Variants in DGKZ observed in about 807,000 individuals in gnomAD.
DGKZ encodes the protein diacylglycerol kinase zeta, also known as DAG kinase zeta.
A neutral mutation model predicts 142.5 loss-of-function variants in DGKZ; 45 were observed. That is an observed-to-expected ratio of 0.32 (90% CI 0.25 to 0.40). The LOEUF (loss-of-function observed/expected upper bound fraction) is 0.40, where lower values mean the gene tolerates loss of function less well. DGKZ is among the 10% of genes least tolerant of loss of function. The pLI is 1.00. For synonymous variants in DGKZ, 442 were observed against 527.0 expected (o/e 0.84, Z 2.21); for missense variants, 755 against 1,306.5 (o/e 0.58, Z 6.51).
rs369868827 is a variant in DGKZ, at chr11:46,363,475, C to T, written c.162-3816C>T. ...ACTCTGCTGGGAGGGGCGGCATCAT[C>T]GGCCGCCGAGGAGACTCCTGGACAG... On this transcript the variant is annotated intron_variant, in intron 1 of 30. Transcript: ENST00000527911. Among the ~76,000 whole-genome samples, 29 of 152,352 alleles carry T rather than the reference C, an allele frequency of 1.9e-4. No homozygotes were observed. In the South Asian group the frequency reaches 2.1e-3, roughly 11 times the overall value.
intron 17 of DGKZ, 34 bp from the exon 18 acceptor site, chr11:46,374,732 C>CA (rs1944349605): frequency 6.2e-7 from 1 of 1,612,364 alleles, no homozygotes; most frequent in African/African-American, 1.3e-5. Context: ...CCACCTGGCA[C>CA]ATGCACCTCA....
At chr11:46,377,709 C>G (rs1432187967) in intron 25 of DGKZ, 2 of 222,282 alleles carry the variant, frequency 9.0e-6, no homozygotes, top group East Asian at 1.4e-4. Flanking sequence ...TCCCAGCCCC[C>G]TCCCTGAGTT....
intron 1 of DGKZ, among the ~76,000 whole-genome samples, chr11:46,336,854 C>G (rs963975727): frequency 2.0e-5 from 3 of 152,156 alleles, no homozygotes; most frequent in Non-Finnish European, 4.4e-5. Context: ...CTCCTGGCCT[C>G]TACAGATTTT....
At chr11:46,361,974 T>C (rs554375860) in intron 1 of DGKZ, 2 of 152,530 alleles carry the variant, frequency 1.3e-5, no homozygotes, top group Admixed American at 6.5e-5. Flanking sequence ...GTACATTTTG[T>C]TTGTTGTTTT....
At chr11:46,342,926 C>T (rs1347984748), upstream of DGKZ, among the ~76,000 whole-genome samples, 1 of 152,146 alleles carries the variant, frequency 6.6e-6, no homozygotes, top group Admixed American at 6.5e-5. Context: ...GAATTCAAGA[C>T]CAGCCTGGTC....
At chr11:46,373,165 C>T in intron 14 of DGKZ, 64 bp downstream of exon 14, 6 of 1,482,618 alleles carry the variant, frequency 4.0e-6, no homozygotes, top group South Asian at 2.7e-5. Flanking sequence ...CACTTTTCCA[C>T]TTGCTGGTTC....
At chr11:46,374,991 C>G (rs766595426) in exon 19 of DGKZ, 2 of 1,612,386 alleles carry the variant, frequency 1.2e-6, no homozygotes, top group Non-Finnish European at 1.7e-6. Context: ...ACTTTGAGCC[C>G]CAGCGGCATG....
exon 30 of DGKZ, chr11:46,379,519 G>T (rs1405231176): frequency 4.3e-6 from 7 of 1,611,788 alleles, no homozygotes; most frequent in Non-Finnish European, 5.9e-6. Flanking sequence ...CGCACCATCT[G>T]CCACTACATC....
intron 1 of DGKZ, among the ~76,000 whole-genome samples, chr11:46,339,525 C>T (rs183581258): frequency 3.9e-5 from 6 of 152,314 alleles, no homozygotes; most frequent in Admixed American, 2.0e-4. Flanking sequence ...GAGGGCAGTG[C>T]CACACTGTCC....
chr11:46,347,799 G>C lies in DGKZ; in HGVS notation c.140G>C (p.Gly47Ala), dbSNP rs1208241889. Reference sequence around the variant, plus strand: ...CGACTCAACAAGCGGCGCTTCCCGGGGCTGCGGCTCTTCGGGCACAGGTGA... The same window carrying C: ...CGACTCAACAAGCGGCGCTTCCCGGCGCTGCGGCTCTTCGGGCACAGGTGA... The change falls in exon 1 of 31, where the codon GGG (glycine) becomes GCG (alanine). Residue 47 changes from glycine to alanine, a missense_variant. By Grantham distance (60) the Gly-to-Ala change is moderately conservative. Transcript: ENST00000527911. This position sits in a 1 kb window ranked among gnomAD's most constrained non-coding sequence, Gnocchi z 6.4. The C allele has an allele frequency of 7.5e-7, 1 of 1,335,792 alleles. No individual in the cohort carries two copies. Among genetic ancestry groups the C allele is most frequent in the African/African-American group, 1.5e-5 (1 of 65,104 alleles). The allele number at this position is 1,335,792 out of a possible 1,614,324, so 82.7% of individuals were successfully genotyped here.
exon 5 of DGKZ, chr11:46,369,498 A>G: frequency 6.2e-7 from 1 of 1,613,954 alleles, no homozygotes; most frequent in Non-Finnish European, 8.5e-7. Context: ...TCACAGATAA[A>G]TTTCCGCTGT....
rs193000385 is a variant in DGKZ at position 46,372,545 on chromosome 11, G to C, written c.1010+35G>C. ...TGCCAAGGTTTTGTGGGGGACATGG[G>C]GGGGAACTTGCCTCACTCCTGGGGT... On this transcript the variant is annotated intron_variant, in intron 11 of 30. Transcript: ENST00000527911. The surrounding 1 kb of genome is among the most constrained non-coding windows in gnomAD (Gnocchi z 5.9). 9 of 1,613,754 alleles carry C rather than the reference G, an allele frequency of 5.6e-6. No homozygotes were observed. The highest frequency in any genetic ancestry group is 3.3e-5 in the Admixed American group (2 of 59,998).
At chr11:46,361,840 T>C in intron 1 of DGKZ, 1 of 231,110 alleles carries the variant, frequency 4.3e-6, no homozygotes, top group Non-Finnish European at 7.1e-6. Flanking sequence ...CCCTGCCAGG[T>C]TCCTGAAGCT....
chr11:46,378,948 G>A, intron 27 of DGKZ, 43 bp from the exon 28 acceptor site: 1 of 1,505,168 alleles, frequency 6.6e-7, no homozygotes, highest in South Asian at 1.3e-5. Flanking sequence ...GGAAGGAGGG[G>A]TGGCCCCAGG....
Position 46,347,596 on chromosome 11 carries a change from C to T in DGKZ, c.-64C>T, listed in dbSNP as rs1047059409. The T allele has an allele frequency of 3.4e-6, 4 of 1,165,640 alleles. No individual in the cohort carries two copies. The highest frequency in any genetic ancestry group is 3.2e-6 in the Non-Finnish European group (3 of 945,594). The allele number at this position is 1,165,640 out of a possible 1,614,324, so 72.2% of individuals were successfully genotyped here. A position where few individuals can be genotyped will look rare whatever the true frequency, so the allele number is the denominator to read the frequency against. ...GGCGGCGCGGAGCGGGCGTGCTGAGCCCCGGCCGCCGGCCCGGCATGGGCG... is the reference window on the plus strand; with the variant it reads ...GGCGGCGCGGAGCGGGCGTGCTGAGTCCCGGCCGCCGGCCCGGCATGGGCG... On this transcript the variant is annotated 5_prime_UTR_variant, in exon 1 of 31. Coordinates refer to ENST00000527911, the Ensembl canonical transcript of DGKZ. This position sits in a 1 kb window ranked among gnomAD's most constrained non-coding sequence, Gnocchi z 6.4.
chr11:46,365,511 G>A (rs1227354793), intron 1 of DGKZ: 1 of 985,250 alleles, frequency 1.0e-6, no homozygotes, highest in African/African-American at 1.7e-5. Flanking sequence ...AAGGGAGACT[G>A]AGCAGCCTCT....
intron 1 of DGKZ, among the ~76,000 whole-genome samples, chr11:46,348,731 C>A (rs972422092): frequency 3.9e-5 from 6 of 152,212 alleles, no homozygotes; most frequent in Non-Finnish European, 7.3e-5. Context: ...GAGCCGCTGC[C>A]TGCCCTGGTA....
upstream of DGKZ, among the ~76,000 whole-genome samples, chr11:46,346,682 G>C (rs1052017342): frequency 6.6e-6 from 1 of 152,200 alleles, no homozygotes; most frequent in Non-Finnish European, 1.5e-5. Context: ...TTGTGAATGG[G>C]AGTGTGGTAC....
In DGKZ at chr11:46,367,091, A is replaced by C; in HGVS notation, c.162-200A>C. ...GGCTGAGGGTTCCCCACTTGGGAAC[A>C]CTCTGGGCAGTACCCTGAAGCCAGC... On this transcript the variant is annotated intron_variant, in intron 1 of 30. Transcript: ENST00000527911. This position sits in a 1 kb window ranked among gnomAD's most constrained non-coding sequence, Gnocchi z 4.1. 7.2e-7 allele frequency: 1 copy of C among 1,381,856 alleles called. No individual in the cohort carries two copies. The highest frequency in any genetic ancestry group is 9.8e-7 in the Non-Finnish European group (1 of 1,020,702). 85.6% of individuals were successfully genotyped at this position (1,381,856 alleles called of 1,614,324 possible).
Sources: allele counts gnomAD v4.1 joint callset (sites outside exome capture counted in the v4.1 genomes callset), GRCh38; gene constraint gnomAD v4.1.1; non-coding constraint Gnocchi (gnomAD v3.1); transcripts MANE v1.5; gene names NCBI Gene and HGNC (gene_info 2026-07-23, HGNC 2026-07-21).